Variants in WASHC5 observed in about 807,000 individuals in gnomAD.
WASHC5 encodes WASH complex subunit strumpellin.
Under a neutral mutation model 150.4 loss-of-function variants are expected in WASHC5, and 101 were observed. The ratio of observed to expected loss-of-function variants is 0.67; its 90% CI spans 0.57 to 0.79. The LOEUF (loss-of-function observed/expected upper bound fraction) is 0.79, where lower values mean the gene tolerates loss of function less well. Ranked by LOEUF, WASHC5 falls within the 30% of genes least tolerant of loss-of-function variation. The pLI is 0.00. For missense variants in WASHC5, 1,195 were observed against 1,396.3 expected (o/e 0.86, Z 2.30); for synonymous variants, 467 against 491.2 (o/e 0.95, Z 0.65).
chr8:125,085,504 A>C (rs1028472306), intron 1 of WASHC5, among the ~76,000 whole-genome samples: 2 of 152,232 alleles, frequency 1.3e-5, no homozygotes, highest in African/African-American at 4.8e-5. Context: ...GCGGAGGCAG[A>C]AGCCAAGTAA....
intron 17 of WASHC5, among the ~76,000 whole-genome samples, chr8:125,053,914 C>T (rs926533253): frequency 6.6e-6 from 1 of 152,078 alleles, no homozygotes; most frequent in Non-Finnish European, 1.5e-5. Flanking sequence ...AGATATAAGC[C>T]GTTAAGTCCC....
Position 125,056,761 on chromosome 8 carries a change from A to G in WASHC5, c.1932T>C (p.Leu644=), listed in dbSNP as rs928667605. Residue 644 remains leucine, a synonymous_variant, in exon 16 of 29, where the codon CTT becomes CTC. Coordinates refer to ENST00000318410, the MANE Select transcript of WASHC5 (RefSeq NM_014846.4). The part of the protein sequence containing the change: ...MFTSLLKIIK[L]QTHDIIEVPT... ...GCACTTCAATAATGTCGTGGGTCTG[A>G]AGCTTTATGATCTTTAGAAGAGATG... 2.5e-6 allele frequency: 4 copies of G among 1,614,046 alleles called. No homozygotes were observed. The highest frequency in any genetic ancestry group is 3.4e-6 in the Non-Finnish European group (4 of 1,180,012).
chr8:125,048,960 T>G, intron 19 of WASHC5, 46 bp downstream of exon 19: 3 of 1,480,984 alleles, frequency 2.0e-6, no homozygotes, highest in South Asian at 1.2e-5. Flanking sequence ...ACTCTAAACA[T>G]GAGAAATAAC....
In WASHC5 at chr8:125,037,415, C is replaced by A; in HGVS notation, c.3085-82G>T. The A allele has an allele frequency of 5.7e-6, 5 of 881,348 alleles. No individual in the cohort carries two copies. The Middle Eastern group carries it at 6.7e-4, about 117-fold the overall frequency. 54.6% of individuals were successfully genotyped at this position (881,348 alleles called of 1,614,324 possible). A position where few individuals can be genotyped will look rare whatever the true frequency, so the allele number is the denominator to read the frequency against. On this transcript the variant is annotated intron_variant, in intron 25 of 28. Coordinates refer to ENST00000318410, the MANE Select transcript of WASHC5 (RefSeq NM_014846.4). Reference sequence around the variant, plus strand: ...GAACAGGTTTCCAAATGAAAATCTTCCATTTTACTTCAATTTGCTCTTTGG... The same window carrying A: ...GAACAGGTTTCCAAATGAAAATCTTACATTTTACTTCAATTTGCTCTTTGG...
chr8:125,073,250 C>T lies in WASHC5; in HGVS notation c.1053G>A (p.Arg351=), dbSNP rs781307253. The T allele has an allele frequency of 6.2e-7, 1 of 1,613,960 alleles. No homozygotes were observed. The highest frequency in any genetic ancestry group is 8.5e-7 in the Non-Finnish European group (1 of 1,179,876). Residue 351 remains arginine, a synonymous_variant, in exon 9 of 29, where the codon AGG becomes AGA. Coordinates refer to ENST00000318410, the MANE Select transcript of WASHC5 (RefSeq NM_014846.4). ...VQQFLKEGYL[R]EEMVLDNIPK... ...GGATATTGTCCAGAACCATCTCCTC[C>T]CTTAAATAACCTTCTTTTAGAAATT... is the stretch of plus-strand genomic sequence containing the variant.
In WASHC5 at chr8:125,028,513, A is replaced by G. The variant is rs550520174; in HGVS notation, c.3423+107T>C. On this transcript the variant is annotated intron_variant, in intron 28 of 28. Coordinates refer to ENST00000318410, the MANE Select transcript of WASHC5 (RefSeq NM_014846.4). ...GAGCAGTGGCGAGAGGCGCAGAGGC[A>G]TCTACTGTGAACGACCTATTGGGCT... 5.5e-4 allele frequency: 415 copies of G among 754,974 alleles called. 2 individuals are homozygous for G. In the African/African-American group the frequency reaches 6.4e-3, roughly 12 times the overall value. 46.8% of individuals were successfully genotyped at this position (754,974 alleles called of 1,614,324 possible).
At chr8:125,056,645 A>G (rs1399240630) in intron 16 of WASHC5, 32 bp downstream of exon 16, 2 of 1,613,754 alleles carry the variant, frequency 1.2e-6, no homozygotes, top group South Asian at 2.2e-5. Flanking sequence ...AGTTTTTAAT[A>G]TGAAAAGGCA....
intron 14 of WASHC5, 73 bp downstream of exon 14, chr8:125,059,149 G>C: frequency 9.4e-7 from 1 of 1,065,810 alleles, no homozygotes; most frequent in East Asian, 2.4e-5. Flanking sequence ...ATCCTGGGCT[G>C]AATTAATGAA....
intron 7 of WASHC5, among the ~76,000 whole-genome samples, chr8:125,075,672 G>A (rs1438611395): frequency 6.6e-6 from 1 of 152,108 alleles, no homozygotes; most frequent in Non-Finnish European, 1.5e-5. Context: ...AATGTAGGCT[G>A]TTCTCATACT....
chr8:125,044,866 C>A, intron 20 of WASHC5, 168 bp from the exon 21 acceptor site: 1 of 722,552 alleles, frequency 1.4e-6, no homozygotes. Flanking sequence ...CAGTGACACC[C>A]AATGGAACAG....
At chr8:125,069,677 A>G (rs1193016930) in intron 9 of WASHC5, among the ~76,000 whole-genome samples, 12 of 152,204 alleles carry the variant, frequency 7.9e-5, no homozygotes, top group Non-Finnish European at 1.5e-5. Flanking sequence ...CAACCTGGAA[A>G]AGAGGCTCAG....
In WASHC5 at chr8:125,057,581, C is replaced by T. The variant is rs1258459680; in HGVS notation, c.1850G>A (p.Gly617Glu). The T allele has an allele frequency of 6.2e-7, 1 of 1,611,862 alleles. No homozygotes were observed. The highest frequency in any genetic ancestry group is 8.5e-7 in the Non-Finnish European group (1 of 1,178,142). Reference sequence around the variant, plus strand: ...TTTTCTCACATAGGATACCAACTCTCCAGAATAGTACTGTGACACGCTGAG... The same window carrying T: ...TTTTCTCACATAGGATACCAACTCTTCAGAATAGTACTGTGACACGCTGAG... The part of the protein sequence containing the change: ...DLLSVSQYYS[G>E]ELVSYVRKVL... The change falls in exon 15 of 29, where the codon GGA (glycine) becomes GAA (glutamate). Residue 617 changes from glycine to glutamate, a missense_variant. Gly to Glu is a moderately conservative substitution (Grantham distance 98). Coordinates refer to ENST00000318410, the MANE Select transcript of WASHC5 (RefSeq NM_014846.4).
intron 2 of WASHC5, 125 bp from the exon 3 acceptor site, chr8:125,083,383 A>G: frequency 1.2e-6 from 1 of 846,704 alleles, no homozygotes; most frequent in Non-Finnish European, 1.9e-6. Flanking sequence ...AGAGCAACAG[A>G]AAGTAGTGAA....
At position 125,054,048 on chromosome 8, in the gene WASHC5, C is replaced by T. The variant is rs552016755; in HGVS notation, c.2097+1543G>A. On this transcript the variant is annotated intron_variant, in intron 17 of 28. Transcript: ENST00000318410. ...AATAGTAAATACACCACGGTGCATT[C>T]GTACTATGGATTGGTCTGCGGCCAC... Among the ~76,000 whole-genome samples, 53 of 152,262 alleles carry T rather than the reference C, an allele frequency of 3.5e-4. 1 individual carries two copies. The South Asian group carries it at 0.01, about 30-fold the overall frequency.
intron 27 of WASHC5, among the ~76,000 whole-genome samples, chr8:125,030,929 T>C (rs904012540): frequency 2.6e-5 from 4 of 152,218 alleles, no homozygotes; most frequent in South Asian, 4.1e-4. Context: ...ACAGATGGCA[T>C]ACAAAATCGG....
At chr8:125,086,436 G>C (rs1316826206) in intron 1 of WASHC5, among the ~76,000 whole-genome samples, 1 of 152,062 alleles carries the variant, frequency 6.6e-6, no homozygotes, top group Non-Finnish European at 1.5e-5. Context: ...TACCAAGCCT[G>C]GCCCTCCTTT....
rs183833115 is a variant in WASHC5 at position 125,024,415 on chromosome 8, A to G, written c.*202T>C. On this transcript the variant is annotated 3_prime_UTR_variant, in exon 29 of 29. Transcript: ENST00000318410. ...TCTGCTTTTATCTGATATAAATTGC[A>G]TGTAATACCATGATTTAAACAATAT... is the stretch of plus-strand genomic sequence containing the variant. The G allele has an allele frequency of 1.6e-5, 10 of 618,790 alleles. No homozygotes were observed. In the Admixed American group the frequency reaches 2.8e-4, roughly 17 times the overall value. The allele number at this position is 618,790 out of a possible 1,614,324, so 38.3% of individuals were successfully genotyped here. A position where few individuals can be genotyped will look rare whatever the true frequency, so the allele number is the denominator to read the frequency against.
intron 10 of WASHC5, 60 bp from the exon 11 acceptor site, chr8:125,063,711 A>G (rs912208727): frequency 2.6e-6 from 4 of 1,523,284 alleles, no homozygotes; most frequent in Admixed American, 3.4e-5. Context: ...TAGGCAGCTT[A>G]TGAAGAGAGC....
At chr8:125,027,881 A>C (rs139500241) in intron 28 of WASHC5, among the ~76,000 whole-genome samples, 240 of 152,330 alleles carry the variant, frequency 1.6e-3, no homozygotes, top group African/African-American at 5.4e-3. Context: ...GTATAACAAA[A>C]GTAGTTGCAA....
Sources: allele counts gnomAD v4.1 joint callset (sites outside exome capture counted in the v4.1 genomes callset), GRCh38; gene constraint gnomAD v4.1.1; transcripts MANE v1.5; gene names NCBI Gene and HGNC (gene_info 2026-07-23, HGNC 2026-07-21).